Variants in SLC9A9 observed in about 807,000 individuals in gnomAD.
The protein encoded by SLC9A9 is solute carrier family 9 member A9.
In SLC9A9, 62 loss-of-function variants were observed where a neutral mutation model predicts 77.8. That is an observed-to-expected ratio of 0.80 (90% confidence interval 0.65 to 0.98). SLC9A9 has a LOEUF of 0.98. Ranked by LOEUF, SLC9A9 falls within the 50% of genes least tolerant of loss-of-function variation. The probability of loss-of-function intolerance (pLI) is 0.00; values close to 1 mark genes in which losing one functional copy is unlikely to be tolerated. For missense variants in SLC9A9, 775 were observed against 774.9 expected (o/e 1.00, Z 0.00); for synonymous variants, 320 against 283.5 (o/e 1.13, Z -1.29).
intron 11 of SLC9A9, among the ~76,000 whole-genome samples, chr3:143,469,757 T>G (rs1473169613): frequency 1.3e-5 from 2 of 152,244 alleles, no homozygotes; most frequent in African/African-American, 4.8e-5. Flanking sequence ...ACATGCACTC[T>G]GATTATAAAA....
chr3:143,836,571 A>C (rs1239448009), intron 1 of SLC9A9, among the ~76,000 whole-genome samples: 1 of 152,240 alleles, frequency 6.6e-6, no homozygotes, highest in Non-Finnish European at 1.5e-5. Flanking sequence ...CATGCATGGC[A>C]TACAGTTGAT....
intron 4 of SLC9A9, among the ~76,000 whole-genome samples, chr3:143,780,443 G>C (rs969821095): frequency 6.6e-6 from 1 of 152,142 alleles, no homozygotes; most frequent in Non-Finnish European, 1.5e-5. Flanking sequence ...CTGTCAATTG[G>C]GGATTGATGA....
At chr3:143,292,418 G>A (rs553789452) in intron 14 of SLC9A9, among the ~76,000 whole-genome samples, 1 of 152,180 alleles carries the variant, frequency 6.6e-6, no homozygotes, top group Non-Finnish European at 1.5e-5. Flanking sequence ...AGTATCAGAA[G>A]AGTTAGGGAA....
intron 6 of SLC9A9, among the ~76,000 whole-genome samples, chr3:143,588,230 C>T (rs13074737): frequency 0.13 from 20,222 of 152,058 alleles, 1,308 homozygotes; most frequent in East Asian, 0.16. Context: ...CCTCAAGGGT[C>T]CTCCCACCCT....
At chr3:143,346,608 T>A (rs1042258332) in intron 14 of SLC9A9, among the ~76,000 whole-genome samples, 2 of 151,978 alleles carry the variant, frequency 1.3e-5, no homozygotes, top group Admixed American at 6.6e-5. Flanking sequence ...GCCAACATGG[T>A]GAAACCCCAT....
At chr3:143,836,600 G>C (rs188076424) in intron 1 of SLC9A9, among the ~76,000 whole-genome samples, 1 of 152,278 alleles carries the variant, frequency 6.6e-6, no homozygotes, top group East Asian at 1.9e-4. Context: ...GTTTGTGAGA[G>C]AAGAAAGAAG....
At chr3:143,774,888 C>A (rs897924124) in intron 4 of SLC9A9, among the ~76,000 whole-genome samples, 3 of 152,180 alleles carry the variant, frequency 2.0e-5, no homozygotes, top group Non-Finnish European at 4.4e-5. Flanking sequence ...TGCTCGGTTG[C>A]CTCCTCCGTT....
intron 4 of SLC9A9, among the ~76,000 whole-genome samples, chr3:143,744,919 G>A (rs1935168363): frequency 6.6e-6 from 1 of 152,118 alleles, no homozygotes; most frequent in Non-Finnish European, 1.5e-5. Flanking sequence ...GACCTGCCTT[G>A]GATATGGTAG....
At chr3:143,530,132 C>A (rs2036478686) in intron 9 of SLC9A9, among the ~76,000 whole-genome samples, 1 of 152,166 alleles carries the variant, frequency 6.6e-6, no homozygotes, top group Admixed American at 6.5e-5. Context: ...AGGGCTGTGG[C>A]TAACAAGTGG....
At chr3:143,301,141 A>G (rs886088034) in intron 14 of SLC9A9, among the ~76,000 whole-genome samples, 4 of 152,162 alleles carry the variant, frequency 2.6e-5, no homozygotes, top group African/African-American at 7.2e-5. Flanking sequence ...ATCCTGCAGA[A>G]CGGCCACAGG....
At chr3:143,560,589 C>T (rs1007377239) in intron 8 of SLC9A9, among the ~76,000 whole-genome samples, 1 of 151,798 alleles carries the variant, frequency 6.6e-6, no homozygotes, top group Non-Finnish European at 1.5e-5. Context: ...TCAAGAAAAT[C>T]TGAGAGGTTT....
chr3:143,390,536 C>T (rs1013613738), intron 12 of SLC9A9, among the ~76,000 whole-genome samples: 1 of 152,188 alleles, frequency 6.6e-6, no homozygotes, highest in African/African-American at 2.4e-5. Flanking sequence ...ACGCAGAAGA[C>T]AAGTGATTTC....
intron 9 of SLC9A9, among the ~76,000 whole-genome samples, chr3:143,496,737 T>C (rs2035841055): frequency 6.6e-6 from 1 of 152,218 alleles, no homozygotes; most frequent in African/African-American, 2.4e-5. Flanking sequence ...GGGAATATTT[T>C]TCTGCCTCAT....
chr3:143,656,365 G>C (rs1266237357), intron 5 of SLC9A9, among the ~76,000 whole-genome samples: 1 of 151,958 alleles, frequency 6.6e-6, no homozygotes, highest in East Asian at 1.9e-4. Context: ...ACCACACCTA[G>C]TGATAAAAAT....
chr3:143,643,303 C>T (rs1347784615), intron 6 of SLC9A9, among the ~76,000 whole-genome samples: 1 of 152,206 alleles, frequency 6.6e-6, no homozygotes, highest in African/African-American at 2.4e-5. Flanking sequence ...ACTGCCCAGG[C>T]TAGGGATTTT....
At chr3:143,550,322 C>A (rs2036858514) in intron 9 of SLC9A9, among the ~76,000 whole-genome samples, 1 of 152,170 alleles carries the variant, frequency 6.6e-6, no homozygotes, top group Non-Finnish European at 1.5e-5. Flanking sequence ...ACCTCTCTGC[C>A]TCCACTTGCA....
chr3:143,565,309 A>G (rs181235165), intron 8 of SLC9A9, among the ~76,000 whole-genome samples: 87 of 152,268 alleles, frequency 5.7e-4, no homozygotes, highest in Non-Finnish European at 8.5e-4. Flanking sequence ...CTGCATCCAC[A>G]TGTTATTTGT....
At chr3:143,399,952 C>T (rs1459292102) in intron 12 of SLC9A9, among the ~76,000 whole-genome samples, 1 of 152,104 alleles carries the variant, frequency 6.6e-6, no homozygotes, top group Non-Finnish European at 1.5e-5. Flanking sequence ...AAATTTGTTA[C>T]ACTCATATAT....
intron 4 of SLC9A9, among the ~76,000 whole-genome samples, chr3:143,727,632 A>G (rs189049837): frequency 6.6e-6 from 1 of 151,402 alleles, no homozygotes; most frequent in Non-Finnish European, 1.5e-5. Context: ...CCAAAGTTTT[A>G]TGGCTGGCAG....
Sources: allele counts gnomAD v4.1 joint callset (sites outside exome capture counted in the v4.1 genomes callset), GRCh38; gene constraint gnomAD v4.1.1; transcripts MANE v1.5; gene names NCBI Gene and HGNC (gene_info 2026-07-23, HGNC 2026-07-21).